The following TRPS1 variants were observed in gnomAD, a reference collection of about 807,000 sequenced individuals.
The protein encoded by TRPS1 is zinc finger transcription factor Trps1.
A neutral mutation model predicts 101.2 loss-of-function variants in TRPS1; 6 were observed. The observed-to-expected ratio is 0.06, with a 90% CI of 0.03 to 0.12. TRPS1 has a LOEUF of 0.12. Ranked by LOEUF, TRPS1 falls within the 10% of genes least tolerant of loss-of-function variation. The pLI is 1.00. For synonymous variants in TRPS1, 578 were observed against 589.8 expected (o/e 0.98, Z 0.29); for missense variants, 1,363 against 1,567.0 (o/e 0.87, Z 2.20).
Position 115,414,395 on chromosome 8 carries a change from T to C in TRPS1, c.3513A>G (p.Ser1171=), listed in dbSNP as rs767824904. Residue 1171 remains serine, a synonymous_variant, in exon 7 of 7, where the codon TCA becomes TCG. Transcript: ENST00000395715. The surrounding 1 kb of genome is among the most constrained non-coding windows in gnomAD (Gnocchi z 4.8). ...NLPPHFSAVG[S]DNDIPLDLAI... is the part of the protein sequence containing the mutation. ...CCAAATCTAGAGGAATGTCATTGTC[T>C]GATCCAACAGCTGAAAAATGAGGAG... The C allele has an allele frequency of 1.3e-5, 21 of 1,613,904 alleles. No homozygotes were observed. The highest frequency in any genetic ancestry group is 1.8e-5 in the Non-Finnish European group (21 of 1,179,986).
At chr8:115,596,701 T>A (rs1386384198) in intron 4 of TRPS1, among the ~76,000 whole-genome samples, 1 of 151,826 alleles carries the variant, frequency 6.6e-6, no homozygotes, top group Non-Finnish European at 1.5e-5. Context: ...TACATATATC[T>A]ATGTGCATAT....
At chr8:115,443,645 T>A (rs1813662481) in intron 5 of TRPS1, among the ~76,000 whole-genome samples, 1 of 152,216 alleles carries the variant, frequency 6.6e-6, no homozygotes, top group African/African-American at 2.4e-5. Flanking sequence ...GATTAGACTC[T>A]CCTCAATGCA....
intron 5 of TRPS1, among the ~76,000 whole-genome samples, chr8:115,459,095 T>C (rs1814099858): frequency 1.3e-5 from 2 of 152,120 alleles, no homozygotes; most frequent in South Asian, 4.1e-4. Context: ...CCCAGCACTT[T>C]GGGAGGCCAA....
At chr8:115,524,102 T>A (rs2130239582) in intron 5 of TRPS1, among the ~76,000 whole-genome samples, 1 of 152,192 alleles carries the variant, frequency 6.6e-6, no homozygotes, top group East Asian at 1.9e-4. Context: ...TCTATGATAG[T>A]GTTATTAAAA....
chr8:115,646,829 C>G (rs745884292), intron 1 of TRPS1, among the ~76,000 whole-genome samples: 2 of 152,024 alleles, frequency 1.3e-5, no homozygotes, highest in Non-Finnish European at 2.9e-5. Flanking sequence ...AGTTGCCGTG[C>G]TAAATCATAT....
chr8:115,460,308 T>TCACA (rs149192615), intron 5 of TRPS1, among the ~76,000 whole-genome samples: 7 of 149,862 alleles, frequency 4.7e-5, no homozygotes, highest in African/African-American at 1.5e-4. Context: ...GTACATCAAG[T>TCACA]CACACACACA....
At chr8:115,595,850 G>A (rs918851910) in intron 4 of TRPS1, among the ~76,000 whole-genome samples, 5 of 151,660 alleles carry the variant, frequency 3.3e-5, no homozygotes, top group African/African-American at 1.2e-4. Context: ...AGGTAATATT[G>A]CTTTGTGAGG....
At chr8:115,668,423 G>T in intron 1 of TRPS1, 122 bp downstream of exon 1, 1 of 128,674 alleles carries the variant, frequency 7.8e-6, no homozygotes, top group South Asian at 2.4e-4. Flanking sequence ...CACATTTTGC[G>T]CGCACACGAG....
chr8:115,551,452 T>C (rs1016816358), intron 5 of TRPS1, among the ~76,000 whole-genome samples: 2 of 152,212 alleles, frequency 1.3e-5, no homozygotes, highest in African/African-American at 4.8e-5. Context: ...GCTTGTATAC[T>C]GTATGTGGTT....
chr8:115,466,672 A>G (rs1200257656), intron 5 of TRPS1, among the ~76,000 whole-genome samples: 1 of 152,092 alleles, frequency 6.6e-6, no homozygotes, highest in Non-Finnish European at 1.5e-5. Context: ...GGGCGGGGCA[A>G]AGAGCTCAAT....
intron 5 of TRPS1, among the ~76,000 whole-genome samples, chr8:115,517,319 C>T (rs774986188): frequency 1.3e-5 from 2 of 151,602 alleles, no homozygotes; most frequent in Admixed American, 6.6e-5. Flanking sequence ...TACACACCTT[C>T]TCTGGAAGGT....
intron 1 of TRPS1, among the ~76,000 whole-genome samples, chr8:115,627,433 T>A (rs1818534159): frequency 6.6e-6 from 1 of 151,736 alleles, no homozygotes; most frequent in African/African-American, 2.4e-5. Context: ...CATCCCTACT[T>A]CTCTGTTAAA....
intron 1 of TRPS1, among the ~76,000 whole-genome samples, chr8:115,624,351 G>A (rs1186282602): frequency 1.3e-5 from 2 of 151,886 alleles, no homozygotes; most frequent in South Asian, 2.1e-4. Context: ...AAGGAGAACA[G>A]CAAAGCTCAA....
chr8:115,641,790 G>T (rs1818903098), intron 1 of TRPS1, among the ~76,000 whole-genome samples: 1 of 152,152 alleles, frequency 6.6e-6, no homozygotes, highest in Non-Finnish European at 1.5e-5. Flanking sequence ...TAAGGCAGGA[G>T]AATCACTTGA....
In TRPS1 at chr8:115,587,378, C is replaced by G. The variant is rs1817587894; in HGVS notation, c.2323G>C (p.Glu775Gln). ...PDSKMGEPVSESVVKREKLEE... is the reference protein window; with the variant it reads ...PDSKMGEPVSQSVVKREKLEE... ...AGCTTCTCTCTCTTCACCACACTCT[C>G]AGAAACTGGCTCTCCCATTTTAGAG... The change falls in exon 5 of 7, where the codon GAG (glutamate) becomes CAG (glutamine). Residue 775 changes from glutamate (E) to glutamine (Q), a missense_variant. By Grantham distance (29) the Glu-to-Gln change is conservative. This residue lies in a region of TRPS1 where 1,020 missense variants were observed against 1,073.0 expected (regional missense o/e 0.95). Transcript: ENST00000395715. 12 of 1,614,220 alleles carry G rather than the reference C, an allele frequency of 7.4e-6. No homozygotes were observed. The highest frequency in any genetic ancestry group is 7.6e-6 in the Non-Finnish European group (9 of 1,180,024).
intron 5 of TRPS1, among the ~76,000 whole-genome samples, chr8:115,522,262 G>T (rs1490696318): frequency 1.3e-5 from 2 of 151,878 alleles, no homozygotes; most frequent in Non-Finnish European, 2.9e-5. Flanking sequence ...TATGACAGTA[G>T]GAGATTGTGT....
intron 5 of TRPS1, among the ~76,000 whole-genome samples, chr8:115,553,193 T>A (rs1816741785): frequency 1.3e-5 from 2 of 150,760 alleles, no homozygotes; most frequent in African/African-American, 4.8e-5. Flanking sequence ...TATATTAAAA[T>A]TTTTTATTAT....
Position 115,625,050 on chromosome 8 carries a change from C to T in TRPS1, c.-121-1292G>A, listed in dbSNP as rs566355308. ...TAAATTATTCAACTAAATAAATCAA[C>T]TATCACAGTAATTTAAAAACAGAGC... is the stretch of plus-strand genomic sequence containing the variant. On this transcript the variant is annotated intron_variant, in intron 1 of 6. Transcript: ENST00000395715. 3.9e-5 allele frequency among the ~76,000 whole-genome samples: 6 copies of T among 151,966 alleles called. No homozygotes were observed. The South Asian group carries it at 1.2e-3, about 31-fold the overall frequency.
intron 5 of TRPS1, among the ~76,000 whole-genome samples, chr8:115,579,287 G>T (rs1346038283): frequency 6.6e-6 from 1 of 152,046 alleles, no homozygotes; most frequent in Admixed American, 6.6e-5. Flanking sequence ...AGTTTCACCA[G>T]ATTTTCTTTT....
Sources: gnomAD v4.1 joint callset for allele counts (sites outside exome capture counted in the v4.1 genomes callset) on GRCh38, gnomAD v4.1.1 for gene constraint, gnomAD v4.1.1 regional missense constraint, Gnocchi (gnomAD v3.1) non-coding constraint, MANE v1.5 for transcripts, NCBI Gene and HGNC (gene_info 2026-07-23, HGNC 2026-07-21) for gene names.